Variants in AGBL1 observed in about 807,000 individuals in gnomAD.
AGBL1 encodes AGBL carboxypeptidase 1, also known as cytosolic carboxypeptidase 4.
In AGBL1, 130 loss-of-function variants were observed where a neutral mutation model predicts 118.9. That is an observed-to-expected ratio of 1.09 (90% confidence interval 0.95 to 1.26). The LOEUF is 1.26. Ranked by LOEUF, AGBL1 falls within the 50% of genes most tolerant of loss-of-function variation. The pLI is 0.00. For synonymous variants in AGBL1, 555 were observed against 478.9 expected (o/e 1.16, Z -2.08); for missense variants, 1,584 against 1,298.1 (o/e 1.22, Z -3.38).
At position 86,952,468 on chromosome 15, in the gene AGBL1, A is replaced by G. The variant is rs139047773; in HGVS notation, c.3222-35519A>G. 6.8e-4 allele frequency among the ~76,000 whole-genome samples: 104 copies of G among 152,244 alleles called. 1 individual carries two copies. Among genetic ancestry groups the G allele is most frequent in the Middle Eastern group, 3.4e-3 (1 of 294 alleles). On this transcript the variant is annotated intron_variant, in intron 23 of 24. Coordinates refer to the AGBL1 transcript ENST00000441037. ...TAATGTGATTATTGATATAACTGTA[A>G]TTAAAACTGGTATCTTGCTACTTGT...
intron 18 of AGBL1, among the ~76,000 whole-genome samples, chr15:86,438,177 A>T (rs929654964): frequency 6.6e-6 from 1 of 152,258 alleles, no homozygotes; most frequent in South Asian, 2.1e-4. Context: ...AAGTGCTGGG[A>T]CAACAGGTGT....
At chr15:86,967,467 A>C (rs978278919) in intron 23 of AGBL1, among the ~76,000 whole-genome samples, 1 of 152,120 alleles carries the variant, frequency 6.6e-6, no homozygotes, top group African/African-American at 2.4e-5. Context: ...TAGGTCTAAC[A>C]TTTAAGTCCT....
intron 5 of AGBL1, among the ~76,000 whole-genome samples, chr15:86,196,926 C>CAT (rs1491099437): frequency 6.8e-6 from 1 of 146,652 alleles, no homozygotes; most frequent in African/African-American, 2.5e-5. Context: ...CACACACACA[C>CAT]GAAAGGCCAT....
At chr15:86,431,937 A>C (rs1230639586) in intron 18 of AGBL1, among the ~76,000 whole-genome samples, 1 of 152,100 alleles carries the variant, frequency 6.6e-6, no homozygotes, top group Admixed American at 6.5e-5. Context: ...TGGGCTGTGT[A>C]TTGGCAACAC....
At chr15:86,598,595 T>C (rs983860265) in intron 21 of AGBL1, among the ~76,000 whole-genome samples, 9 of 152,030 alleles carry the variant, frequency 5.9e-5, no homozygotes, top group African/African-American at 1.9e-4. Flanking sequence ...AGGGCAGAAG[T>C]AGTGTCCTTA....
chr15:86,330,332 A>C (rs2080250461), intron 17 of AGBL1, among the ~76,000 whole-genome samples: 1 of 152,266 alleles, frequency 6.6e-6, no homozygotes, highest in Admixed American at 6.5e-5. Flanking sequence ...ACCTGCCGAC[A>C]GATGTGCATA....
In AGBL1 at chr15:86,090,641, C is replaced by A. The variant is rs553055001; in HGVS notation, c.51+10618C>A. Among the ~76,000 whole-genome samples the A allele has an allele frequency of 2.8e-4, 42 of 152,230 alleles. No individual in the cohort carries two copies. The South Asian group carries it at 8.5e-3, about 31-fold the overall frequency. On this transcript the variant is annotated intron_variant, in intron 1 of 22. Transcript: ENST00000614907. The stretch of plus-strand genomic sequence containing the variant: ...TAAATAAATAGAAGTACGTTTTCTT[C>A]TAGCATTTCACTTGGGCTTGACTTT...
rs35136419 is a variant in AGBL1 at position 86,315,717 on chromosome 15, C to CAAA, written c.2374+20325_2374+20327dup. Among the ~76,000 whole-genome samples the CAAA allele has an allele frequency of 3.7e-3, 475 of 127,460 alleles. 4 individuals carry two copies. Among genetic ancestry groups the CAAA allele is most frequent in the African/African-American group, 0.013 (432 of 34,534 alleles). The allele number at this position is 127,460 out of a possible 152,430, so 83.6% of individuals were successfully genotyped here. A position where few individuals can be genotyped will look rare whatever the true frequency, so the allele number is the denominator to read the frequency against. On this transcript the variant is annotated intron_variant, in intron 17 of 22. Coordinates refer to ENST00000614907, the MANE Select transcript of AGBL1 (RefSeq NM_001386094.1). ...TGGGTGACAGAGTGAGACTTTTTCT[C>CAAA]AAAAAAAAAAAAAAAAAAGTATATG...
chr15:86,224,793 C>G, intron 5 of AGBL1, 121 bp from the exon 6 acceptor site: 1 of 891,590 alleles, frequency 1.1e-6, no homozygotes, highest in Non-Finnish European at 1.8e-6. Context: ...AATAGATTGC[C>G]TGCTACCTGG....
At chr15:86,962,765 C>T (rs2081006048) in intron 23 of AGBL1, among the ~76,000 whole-genome samples, 1 of 152,066 alleles carries the variant, frequency 6.6e-6, no homozygotes, top group African/African-American at 2.4e-5. Context: ...AGGTTAGCAT[C>T]ACTGTGGATC....
chr15:86,238,077 T>C (rs2141968223), intron 6 of AGBL1, among the ~76,000 whole-genome samples: 1 of 152,258 alleles, frequency 6.6e-6, no homozygotes, highest in East Asian at 1.9e-4. Flanking sequence ...TCCTCAAGGG[T>C]CTTCCCTGAT....
At chr15:86,494,723 G>C (rs2082825599) in intron 18 of AGBL1, among the ~76,000 whole-genome samples, 1 of 152,034 alleles carries the variant, frequency 6.6e-6, no homozygotes, top group African/African-American at 2.4e-5. Context: ...TGCTTGAAAA[G>C]AAGATGTCAT....
intron 22 of AGBL1, among the ~76,000 whole-genome samples, chr15:86,745,060 G>A (rs986238821): frequency 1.2e-4 from 18 of 152,082 alleles, no homozygotes; most frequent in Admixed American, 9.8e-4. Flanking sequence ...ATGTCTTTCC[G>A]TAGACGTACT....
At chr15:86,126,865 A>G (rs775596011) in intron 1 of AGBL1, among the ~76,000 whole-genome samples, 1 of 152,174 alleles carries the variant, frequency 6.6e-6, no homozygotes, top group Non-Finnish European at 1.5e-5. Context: ...TAGCACTGAG[A>G]TTCCTGGATA....
At position 86,154,566 on chromosome 15, in the gene AGBL1, G is replaced by C; in HGVS notation, c.394+5G>C. On this transcript the variant is annotated splice_donor_5th_base_variant and intron_variant, in intron 4 of 22. Transcript: ENST00000614907. ...TGCGTGTGTTTGCCTCCAGTGGTAA[G>C]TGACTCTATTGTGGCTCTCGGGGAT... 1 of 1,605,672 alleles carries C rather than the reference G, an allele frequency of 6.2e-7. No individual in the cohort carries two copies. The highest frequency in any genetic ancestry group is 8.5e-7 in the Non-Finnish European group (1 of 1,175,430).
chr15:86,306,784 A>T (rs1297282695), intron 17 of AGBL1, among the ~76,000 whole-genome samples: 1 of 152,170 alleles, frequency 6.6e-6, no homozygotes, highest in Non-Finnish European at 1.5e-5. Flanking sequence ...TTCCCACAAC[A>T]GTGTGCAAGG....
chr15:86,565,417 G>A (rs1474297816), intron 21 of AGBL1, among the ~76,000 whole-genome samples: 1 of 152,238 alleles, frequency 6.6e-6, no homozygotes, highest in Non-Finnish European at 1.5e-5. Flanking sequence ...GTTTGCCTGG[G>A]TATCAGCAGC....
chr15:86,359,947 G>T (rs996017707), intron 17 of AGBL1, among the ~76,000 whole-genome samples: 2 of 151,852 alleles, frequency 1.3e-5, no homozygotes, highest in East Asian at 3.9e-4. Context: ...TTTGCTGAAT[G>T]TTTAGGGTTT....
Position 86,738,247 on chromosome 15 carries a change from A to G in AGBL1, c.3158+63811A>G, listed in dbSNP as rs563052674. ...TATACCTCAACTTAATAAAGGTCCT[A>G]TGTGACAATTACACAGCTAACATCA... On this transcript the variant is annotated intron_variant, in intron 22 of 22. Coordinates refer to ENST00000614907, the MANE Select transcript of AGBL1 (RefSeq NM_001386094.1). Among the ~76,000 whole-genome samples the G allele has an allele frequency of 2.0e-5, 3 of 152,330 alleles. No individual in the cohort carries two copies. In the South Asian group the frequency reaches 6.2e-4, roughly 32 times the overall value.
Sources: gnomAD v4.1 joint callset for allele counts (sites outside exome capture counted in the v4.1 genomes callset) on GRCh38, gnomAD v4.1.1 for gene constraint, MANE v1.5 for transcripts, NCBI Gene and HGNC (gene_info 2026-07-23, HGNC 2026-07-21) for gene names.